PPP6R2: variants seen among roughly 807,000 people sequenced by gnomAD.
PPP6R2 encodes the protein protein phosphatase 6 regulatory subunit 2, also known as serine/threonine-protein phosphatase 6 regulatory subunit 2.
A neutral mutation model predicts 100.2 loss-of-function variants in PPP6R2; 62 were observed. The observed-to-expected ratio is 0.62, with a 90% confidence interval of 0.50 to 0.76. PPP6R2 has a LOEUF of 0.76. Ranked by LOEUF, PPP6R2 falls within the 30% of genes least tolerant of loss-of-function variation. The pLI is 0.00. For missense variants in PPP6R2, 1,142 were observed against 1,276.3 expected (o/e 0.89, Z 1.60); for synonymous variants, 525 against 514.7 (o/e 1.02, Z -0.27).
intron 2 of PPP6R2, among the ~76,000 whole-genome samples, chr22:50,377,409 A>G (rs763638916): frequency 3.3e-5 from 5 of 152,050 alleles, no homozygotes; most frequent in Non-Finnish European, 7.4e-5. Context: ...GTGCAAGTGC[A>G]CTGCAGCCTG....
rs2063923284 is a variant in PPP6R2 at position 50,435,090 on chromosome 22, C to T, written c.1516+9C>T. On this transcript the variant is annotated intron_variant, in intron 13 of 23. Transcript: ENST00000612753. ...CAGCGAGGTCATCCGAGGTGAGCCC[C>T]CAACCCGGTCATCCTTCTGCTGGTC... 1 of 1,522,540 alleles carries T rather than the reference C, an allele frequency of 6.6e-7. No individual in the cohort carries two copies. The allele number at this position is 1,522,540 out of a possible 1,614,324, so 94.3% of individuals were successfully genotyped here.
chr22:50,339,728 TGTG>T (rs1205204037), upstream of PPP6R2, among the ~76,000 whole-genome samples: 3 of 128,254 alleles, frequency 2.3e-5, no homozygotes, highest in Non-Finnish European at 3.3e-5. Flanking sequence ...GGGTGTGTGT[TGTG>T]TGTGTGGTAT....
intron 15 of PPP6R2, 24 bp downstream of exon 15, chr22:50,437,092 A>C: frequency 3.9e-6 from 6 of 1,545,700 alleles, no homozygotes; most frequent in Non-Finnish European, 5.2e-6. Context: ...CGGCACCTGC[A>C]CCCTGCCGGG....
intron 4 of PPP6R2, among the ~76,000 whole-genome samples, chr22:50,412,950 A>G (rs1408540630): frequency 7.0e-6 from 1 of 143,118 alleles, no homozygotes; most frequent in Non-Finnish European, 1.5e-5. Flanking sequence ...TGGCCTAGAT[A>G]AGTCCTTTTT....
chr22:50,335,040 T>A, the PPP6R2 span, among the ~76,000 whole-genome samples: 1 of 152,030 alleles, frequency 6.6e-6, no homozygotes, highest in Admixed American at 6.6e-5. Context: ...AGAATTGCTA[T>A]CTTAACAATG....
chr22:50,368,742 C>T (rs1021639716), intron 1 of PPP6R2, among the ~76,000 whole-genome samples: 2 of 152,090 alleles, frequency 1.3e-5, no homozygotes, highest in African/African-American at 2.4e-5. Flanking sequence ...TCACCACAAC[C>T]ATGCACACTT....
intron 2 of PPP6R2, among the ~76,000 whole-genome samples, chr22:50,384,593 T>C (rs1399833010): frequency 6.6e-6 from 1 of 152,196 alleles, no homozygotes; most frequent in Non-Finnish European, 1.5e-5. Context: ...CATATGGTTA[T>C]GGAGGCTGAG....
intron 1 of PPP6R2, among the ~76,000 whole-genome samples, chr22:50,347,711 C>A (rs1054022881): frequency 6.6e-6 from 1 of 152,236 alleles, no homozygotes; most frequent in South Asian, 2.1e-4. Flanking sequence ...ACTGTACCCA[C>A]TGATTTTGTT....
At chr22:50,420,488 GAT>G (rs1382347306) in intron 8 of PPP6R2, among the ~76,000 whole-genome samples, 1 of 152,196 alleles carries the variant, frequency 6.6e-6, no homozygotes, top group Non-Finnish European at 1.5e-5. Context: ...TTTGTTTGAG[GAT>G]ATAGGTGCTG....
chr22:50,418,236 T>C (rs574468633), intron 6 of PPP6R2, among the ~76,000 whole-genome samples: 9 of 152,196 alleles, frequency 5.9e-5, no homozygotes, highest in Non-Finnish European at 1.3e-4. Context: ...TTTGAATTCC[T>C]GAAGATAGTT....
chr22:50,362,521 A>T (rs148865872), intron 1 of PPP6R2, among the ~76,000 whole-genome samples: 52 of 152,258 alleles, frequency 3.4e-4, no homozygotes, highest in African/African-American at 1.2e-3. Context: ...CGTGCTCTGC[A>T]TGGAGGCCTC....
intron 3 of PPP6R2, among the ~76,000 whole-genome samples, chr22:50,395,176 A>C (rs1370440992): frequency 6.6e-6 from 1 of 152,204 alleles, no homozygotes; most frequent in East Asian, 1.9e-4. Flanking sequence ...GCTTCATTTT[A>C]GGGTCTTCAG....
At chr22:50,382,809 T>C (rs1439068978) in intron 2 of PPP6R2, among the ~76,000 whole-genome samples, 3 of 150,484 alleles carry the variant, frequency 2.0e-5, no homozygotes, top group African/African-American at 7.3e-5. Context: ...AGTGAGGGTG[T>C]GGGAAAAGGG....
intron 10 of PPP6R2, among the ~76,000 whole-genome samples, chr22:50,425,058 G>A (rs1330374107): frequency 6.6e-6 from 1 of 152,102 alleles, no homozygotes; most frequent in Admixed American, 6.6e-5. Flanking sequence ...GTGTCACTCA[G>A]TGCATTCACA....
At chr22:50,355,650 ACCTGGGACTACAGGT>A (rs2046365394) in intron 1 of PPP6R2, among the ~76,000 whole-genome samples, 1 of 150,870 alleles carries the variant, frequency 6.6e-6, no homozygotes, top group Non-Finnish European at 1.5e-5. Context: ...CCTCCTGAGT[ACCTGGGACTACAGGT>A]GCCCGCCACC....
At chr22:50,433,841 G>T (rs1396265180) in intron 12 of PPP6R2, among the ~76,000 whole-genome samples, 7 of 33,178 alleles carry the variant, frequency 2.1e-4, no homozygotes, top group Non-Finnish European at 3.5e-4. Flanking sequence ...GAACCTGGAG[G>T]AGGGCCGGGG....
At chr22:50,398,020 G>A (rs1485066579) in intron 3 of PPP6R2, among the ~76,000 whole-genome samples, 6 of 152,132 alleles carry the variant, frequency 3.9e-5, no homozygotes, top group African/African-American at 1.2e-4. Flanking sequence ...TTTAAAGCAC[G>A]TGCACATATC....
chr22:50,339,850 T>C, upstream of PPP6R2, among the ~76,000 whole-genome samples: 1 of 124,042 alleles, frequency 8.1e-6, no homozygotes. Context: ...GTGTGGTGTG[T>C]GTGTGGTATG....
rs1569490147 is a variant in PPP6R2, at chr22:50,436,354, A to C, written c.1517-13A>C. On this transcript the variant is annotated splice_polypyrimidine_tract_variant and intron_variant, in intron 13 of 23. Transcript: ENST00000612753. Reference sequence around the variant, plus strand: ...GGTCTCCCAGGGCTCACCAGGCAGCACTTCCCTTGCAGGGCTCCCTGCGGA... The same window carrying C: ...GGTCTCCCAGGGCTCACCAGGCAGCCCTTCCCTTGCAGGGCTCCCTGCGGA... 1 of 1,563,096 alleles carries C rather than the reference A, an allele frequency of 6.4e-7. No individual in the cohort carries two copies. The highest frequency in any genetic ancestry group is 1.3e-5 in the African/African-American group (1 of 74,280).
Sources: allele counts gnomAD v4.1 joint callset (sites outside exome capture counted in the v4.1 genomes callset), GRCh38; gene constraint gnomAD v4.1.1; transcripts MANE v1.5; gene names NCBI Gene and HGNC (gene_info 2026-07-23, HGNC 2026-07-21).